PRKN: variants seen among roughly 807,000 people sequenced by gnomAD.
PRKN encodes parkin RBR E3 ubiquitin protein ligase, also known as E3 ubiquitin-protein ligase parkin.
Under a neutral mutation model 59.5 loss-of-function variants are expected in PRKN, and 56 were observed. That is an observed-to-expected ratio of 0.94 (90% CI 0.76 to 1.18). The LOEUF is 1.18. PRKN is among the 50% of genes most tolerant of loss of function. PRKN has a pLI of 0.00. For missense variants in PRKN, 657 were observed against 596.4 expected (o/e 1.10, Z -1.06); for synonymous variants, 250 against 222.1 (o/e 1.13, Z -1.12).
At chr6:162,216,494 C>G (rs553002908) in intron 3 of PRKN, among the ~76,000 whole-genome samples, 63 of 129,564 alleles carry the variant, frequency 4.9e-4, no homozygotes, top group Admixed American at 1.3e-3. Context: ...TGCGCCACTG[C>G]AGTCCGCAGT....
chr6:161,922,316 G>T (rs1383204099), intron 6 of PRKN, among the ~76,000 whole-genome samples: 6 of 152,096 alleles, frequency 3.9e-5, no homozygotes, highest in African/African-American at 1.4e-4. Flanking sequence ...ACCCCTCAGT[G>T]TGTCCCCACT....
At chr6:162,612,085 C>T (rs538597519) in intron 1 of PRKN, among the ~76,000 whole-genome samples, 74 of 148,882 alleles carry the variant, frequency 5.0e-4, no homozygotes, top group Middle Eastern at 3.5e-3. Context: ...CCCAGCTACT[C>T]GGGAGGCTGA....
chr6:162,356,747 T>TAAAAAAAAAAAAAAAAAA (rs748212596), intron 2 of PRKN, among the ~76,000 whole-genome samples: 1 of 73,066 alleles, frequency 1.4e-5, no homozygotes, highest in African/African-American at 4.9e-5. Context: ...TGATTATTAG[T>TAAAAAAAAAAAAAAAAAA]AAAAAAAAAA....
chr6:161,829,868 AATGC>A (rs1792408684), intron 6 of PRKN, among the ~76,000 whole-genome samples: 1 of 151,528 alleles, frequency 6.6e-6, no homozygotes. Context: ...AAAAAAAAAA[AATGC>A]CAATACAAGA....
chr6:162,412,211 G>A (rs1416809636), intron 2 of PRKN, among the ~76,000 whole-genome samples: 1 of 152,104 alleles, frequency 6.6e-6, no homozygotes, highest in Non-Finnish European at 1.5e-5. Context: ...ACATGCCAAG[G>A]GGCTCAAAGT....
chr6:162,451,910 T>G (rs552780400), intron 1 of PRKN, among the ~76,000 whole-genome samples: 4 of 152,142 alleles, frequency 2.6e-5, no homozygotes, highest in Non-Finnish European at 4.4e-5. Flanking sequence ...AGGATAAATA[T>G]GAACGTGCTT....
chr6:162,647,822 T>C (rs942345143), intron 1 of PRKN, among the ~76,000 whole-genome samples: 3 of 151,800 alleles, frequency 2.0e-5, no homozygotes, highest in African/African-American at 7.3e-5. Context: ...GTCTCTTTCC[T>C]CTGTCACCAC....
intron 2 of PRKN, among the ~76,000 whole-genome samples, chr6:162,424,595 G>A (rs1157129344): frequency 6.6e-6 from 1 of 151,934 alleles, no homozygotes; most frequent in Non-Finnish European, 1.5e-5. Context: ...AATTAGCCGG[G>A]TGTGGTCATG....
Position 161,462,368 on chromosome 6 carries a change from A to G in PRKN, c.1084-75491T>C, listed in dbSNP as rs2115168039. 6.6e-6 allele frequency among the ~76,000 whole-genome samples: 1 copy of G among 152,320 alleles called. No individual in the cohort carries two copies. The highest frequency in any genetic ancestry group is 1.9e-4 in the East Asian group (1 of 5,186). ...TGGCATTTTTCAGTCGAAATACCAC[A>G]GGGAGAGGTATTTTAGGAGCTGATT... On this transcript the variant is annotated intron_variant, in intron 9 of 11. Coordinates refer to ENST00000366898, the MANE Select transcript of PRKN (RefSeq NM_004562.3). This position sits in a 1 kb window ranked among gnomAD's most constrained non-coding sequence, Gnocchi z 4.5.
chr6:161,912,434 T>C (rs1192924039), intron 6 of PRKN, among the ~76,000 whole-genome samples: 2 of 147,170 alleles, frequency 1.4e-5, no homozygotes, highest in East Asian at 4.2e-4. Flanking sequence ...CTCGTGAATC[T>C]GAGCTGGGCC....
At chr6:162,615,809 CAG>C (rs1305831901) in intron 1 of PRKN, among the ~76,000 whole-genome samples, 1 of 152,070 alleles carries the variant, frequency 6.6e-6, no homozygotes, top group East Asian at 1.9e-4. Context: ...CCCTACTTGT[CAG>C]GGGACATGTG....
chr6:161,442,984 T>A lies in PRKN; in HGVS notation c.1084-56107A>T, dbSNP rs1425070656. On this transcript the variant is annotated intron_variant, in intron 9 of 11. Coordinates refer to ENST00000366898, the MANE Select transcript of PRKN (RefSeq NM_004562.3). The surrounding 1 kb of genome is among the most constrained non-coding windows in gnomAD (Gnocchi z 4.6). ...GGCTCTGAGAGGTTAACTGACCTGC[T>A]CGAGGTGAAGAAAATGAGTAGGGAT... is the stretch of plus-strand genomic sequence containing the variant. Among the ~76,000 whole-genome samples the A allele has an allele frequency of 2.0e-5, 3 of 152,060 alleles. No homozygotes were observed. The highest frequency in any genetic ancestry group is 7.2e-5 in the African/African-American group (3 of 41,394).
At chr6:162,671,874 G>A (rs1435574591) in intron 1 of PRKN, among the ~76,000 whole-genome samples, 1 of 152,118 alleles carries the variant, frequency 6.6e-6, no homozygotes, top group African/African-American at 2.4e-5. Flanking sequence ...GTGCTGAGAG[G>A]AGGAGAGAGG....
At chr6:162,182,886 C>T (rs565176973) in intron 4 of PRKN, among the ~76,000 whole-genome samples, 25 of 152,144 alleles carry the variant, frequency 1.6e-4, no homozygotes, top group African/African-American at 2.7e-4. Flanking sequence ...TTATTTGAAA[C>T]GTTCAAGTAA....
chr6:161,512,018 T>C (rs6927018), intron 9 of PRKN, among the ~76,000 whole-genome samples: 121,987 of 152,148 alleles, frequency 0.8, 49,212 homozygotes, highest in Middle Eastern at 0.87. Context: ...ACACCTACAT[T>C]GTTGTCACTG....
intron 7 of PRKN, among the ~76,000 whole-genome samples, chr6:161,755,846 G>C (rs77700697): frequency 0.021 from 3,198 of 152,200 alleles, 83 homozygotes; most frequent in South Asian, 0.071. Context: ...TTATCAAGCA[G>C]GTGAGTGGGA....
chr6:162,625,457 G>A (rs899821535), intron 1 of PRKN, among the ~76,000 whole-genome samples: 1 of 152,140 alleles, frequency 6.6e-6, no homozygotes, highest in African/African-American at 2.4e-5. Flanking sequence ...TTTACATGGC[G>A]GCATGGCAGC....
At chr6:161,883,456 C>T (rs1450051875) in intron 6 of PRKN, among the ~76,000 whole-genome samples, 2 of 146,494 alleles carry the variant, frequency 1.4e-5, no homozygotes, top group African/African-American at 5.1e-5. Context: ...CACTGCACTC[C>T]AGCCTGGGTG....
chr6:161,436,685 G>T (rs1006513257), intron 9 of PRKN, among the ~76,000 whole-genome samples: 3 of 151,964 alleles, frequency 2.0e-5, no homozygotes, highest in Non-Finnish European at 4.4e-5. Flanking sequence ...CATCCCTTCC[G>T]GGGGATGACT....
Sources: gnomAD v4.1 joint callset for allele counts (sites outside exome capture counted in the v4.1 genomes callset) on GRCh38, gnomAD v4.1.1 for gene constraint, Gnocchi (gnomAD v3.1) non-coding constraint, MANE v1.5 for transcripts, NCBI Gene and HGNC (gene_info 2026-07-23, HGNC 2026-07-21) for gene names.